The following ZMYND8 variants were observed in gnomAD, a reference collection of about 807,000 sequenced individuals.
The protein encoded by ZMYND8 is zinc finger MYND-type containing 8, also known as MYND-type zinc finger-containing chromatin reader ZMYND8.
Under a neutral mutation model 140.8 loss-of-function variants are expected in ZMYND8, and 37 were observed. The ratio of observed to expected loss-of-function variants is 0.26; its 90% CI spans 0.20 to 0.35. ZMYND8 has a LOEUF of 0.35. Ranked by LOEUF, ZMYND8 falls within the 10% of genes least tolerant of loss-of-function variation. The pLI is 1.00. For missense variants in ZMYND8, 1,068 were observed against 1,570.0 expected (o/e 0.68, Z 5.40); for synonymous variants, 592 against 597.1 (o/e 0.99, Z 0.12).
intron 2 of ZMYND8, among the ~76,000 whole-genome samples, chr20:47,317,794 A>T (rs1272421832): frequency 1.3e-5 from 2 of 152,122 alleles, no homozygotes; most frequent in Admixed American, 1.3e-4. Context: ...TGGCGTCAAA[A>T]TGCATGCAGA....
Position 47,310,168 on chromosome 20 carries a change from T to C in ZMYND8, c.122A>G (p.Lys41Arg). ...GGAAGAATGTGGAGGGCTGGGGAAC[T>C]TTCTTTTCTGGGCTGTTCTCTCTGC... is the stretch of plus-strand genomic sequence containing the variant. ...GSAERTAQKRKFPSPPHSSNG... is the reference protein window; with the variant it reads ...GSAERTAQKRRFPSPPHSSNG... Residue 41 changes from lysine (K) to arginine (R), a missense_variant, in exon 3 of 23, where the codon AAG (lysine) becomes AGG (arginine). Transcript: ENST00000471951. 4 of 1,612,412 alleles carry C rather than the reference T, an allele frequency of 2.5e-6. No homozygotes were observed. In the East Asian group the frequency reaches 6.7e-5, roughly 27 times the overall value.
Position 47,239,105 on chromosome 20 carries a change from C to T in ZMYND8, c.2318G>A (p.Gly773Asp). 2 of 1,514,392 alleles carry T rather than the reference C, an allele frequency of 1.3e-6. No homozygotes were observed. The highest frequency in any genetic ancestry group is 1.8e-6 in the Non-Finnish European group (2 of 1,135,304). 93.8% of individuals were successfully genotyped at this position (1,514,392 alleles called of 1,614,324 possible). A position where few individuals can be genotyped will look rare whatever the true frequency, so the allele number is the denominator to read the frequency against. The stretch of plus-strand genomic sequence containing the variant: ...CGGTGTTTCCGGGGGAGAATGGCTG[C>T]CCACCGTCGTGGATGGTGGAGTTTT... ...VGKTPPSTTVGSHSPPETPVL... is the reference protein window; with the variant it reads ...VGKTPPSTTVDSHSPPETPVL... The change falls in exon 15 of 23, where the codon GGC (glycine) becomes GAC (aspartate). Residue 773 changes from glycine (G) to aspartate (D), a missense_variant. Around this residue, in one of 10 missense-constraint regions of ZMYND8, gnomAD observed 383 missense variants for 431.2 expected, o/e 0.89. Transcript: ENST00000471951.
intron 21 of ZMYND8, among the ~76,000 whole-genome samples, chr20:47,219,399 C>A (rs2036609826): frequency 6.6e-6 from 1 of 151,280 alleles, no homozygotes; most frequent in Admixed American, 6.6e-5. Flanking sequence ...GGTGGTGCGT[C>A]CCTGTAGTCC....
intron 1 of ZMYND8, chr20:47,356,454 T>G (rs759219855): frequency 1.3e-6 from 2 of 1,551,876 alleles, no homozygotes; most frequent in African/African-American, 2.7e-5. Flanking sequence ...CCTTGCCAGT[T>G]TGCAAAATCA....
At chr20:47,224,682 C>T (rs552763387) in intron 18 of ZMYND8, 126 bp from the exon 19 acceptor site, 3 of 1,504,452 alleles carry the variant, frequency 2.0e-6, no homozygotes, top group South Asian at 2.5e-5. Context: ...TGGCTGTGTG[C>T]CCATGGGCAA....
At chr20:47,311,012 T>A (rs1304410247) in intron 2 of ZMYND8, among the ~76,000 whole-genome samples, 1 of 152,140 alleles carries the variant, frequency 6.6e-6, no homozygotes, top group African/African-American at 2.4e-5. Flanking sequence ...CCATGCCTGA[T>A]TGCAAAAGCA....
At chr20:47,247,001 AG>A (rs1408682243) in intron 13 of ZMYND8, among the ~76,000 whole-genome samples, 1 of 152,140 alleles carries the variant, frequency 6.6e-6, no homozygotes, top group African/African-American at 2.4e-5. Flanking sequence ...GGGTTTCCAA[AG>A]GGTTAAAGTT....
chr20:47,280,023 C>T (rs1361290794), intron 10 of ZMYND8, among the ~76,000 whole-genome samples: 1 of 150,870 alleles, frequency 6.6e-6, no homozygotes, highest in East Asian at 2.0e-4. Context: ...ACTTGGGAGG[C>T]TGAGGCAGGA....
At chr20:47,307,941 A>C (rs2078623592) in intron 3 of ZMYND8, among the ~76,000 whole-genome samples, 1 of 151,776 alleles carries the variant, frequency 6.6e-6, no homozygotes, top group South Asian at 2.1e-4. Context: ...AAAATGGAGA[A>C]ATCCCATCTC....
intron 2 of ZMYND8, among the ~76,000 whole-genome samples, chr20:47,342,846 CAAAA>C (rs1041501318): frequency 1.3e-5 from 1 of 74,996 alleles, no homozygotes; most frequent in Non-Finnish European, 2.9e-5. Flanking sequence ...GACTACATCT[CAAAA>C]AAAAAAAAAA....
intron 3 of ZMYND8, among the ~76,000 whole-genome samples, chr20:47,299,508 A>T (rs2077856102): frequency 6.6e-6 from 1 of 152,238 alleles, no homozygotes; most frequent in African/African-American, 2.4e-5. Context: ...GATTCTTCAA[A>T]TGGCAGACAT....
rs3084704 is a variant in ZMYND8, at chr20:47,265,429, AGTTT to A, written c.1481-3005_1481-3002del. 1.7e-3 allele frequency among the ~76,000 whole-genome samples: 255 copies of A among 151,226 alleles called. 3 individuals carry two copies. The highest frequency in any genetic ancestry group is 1.5e-3 in the South Asian group (7 of 4,792). The stretch of plus-strand genomic sequence containing the variant: ...ATCCATTTTCCTGCTCGACAGGTCA[AGTTT>A]GTTTGTTTGTTTGTTTGTTTGTTTT... On this transcript the variant is annotated intron_variant, in intron 11 of 22. Coordinates refer to ENST00000471951, the MANE Select transcript of ZMYND8 (RefSeq NM_001281775.3).
At chr20:47,347,796 A>G in intron 2 of ZMYND8, 60 bp downstream of exon 2, 1 of 1,576,862 alleles carries the variant, frequency 6.3e-7, no homozygotes, top group South Asian at 1.1e-5. Context: ...CTACAACAAC[A>G]AAAAGAAATT....
chr20:47,321,985 C>G (rs1217054221), intron 2 of ZMYND8, among the ~76,000 whole-genome samples: 1 of 151,730 alleles, frequency 6.6e-6, no homozygotes, highest in Non-Finnish European at 1.5e-5. Flanking sequence ...CTCAGCCTCC[C>G]AAGTAGCTAG....
At chr20:47,233,522 G>A (rs2038826228) in intron 16 of ZMYND8, among the ~76,000 whole-genome samples, 3 of 152,122 alleles carry the variant, frequency 2.0e-5, no homozygotes, top group Non-Finnish European at 4.4e-5. Flanking sequence ...ATCCTAAGAG[G>A]AGTTGCTTAT....
intron 13 of ZMYND8, 144 bp downstream of exon 13, chr20:47,249,143 A>C (rs1170867064): frequency 1.0e-6 from 1 of 993,712 alleles, no homozygotes; most frequent in Non-Finnish European, 1.4e-6. Flanking sequence ...GAGTGGAAAT[A>C]TATTTTAGCT....
intron 5 of ZMYND8, among the ~76,000 whole-genome samples, chr20:47,293,525 T>C (rs1414280906): frequency 1.3e-5 from 2 of 152,174 alleles, no homozygotes; most frequent in East Asian, 3.9e-4. Context: ...CTGAAGGAAC[T>C]AACCAAATTC....
At chr20:47,211,322 G>C (rs1402327990) in intron 22 of ZMYND8, among the ~76,000 whole-genome samples, 6 of 152,150 alleles carry the variant, frequency 3.9e-5, no homozygotes, top group Admixed American at 3.3e-4. Context: ...CCGTTAGTGG[G>C]ATTTCTTTTA....
chr20:47,243,438 A>G (rs1184733078), intron 14 of ZMYND8, among the ~76,000 whole-genome samples: 1 of 152,226 alleles, frequency 6.6e-6, no homozygotes, highest in Non-Finnish European at 1.5e-5. Flanking sequence ...CTTCCTGGAG[A>G]AATTCCCTTC....
Sources: allele counts gnomAD v4.1 joint callset (sites outside exome capture counted in the v4.1 genomes callset), GRCh38; gene constraint gnomAD v4.1.1; regional missense constraint gnomAD v4.1.1; transcripts MANE v1.5; gene names NCBI Gene and HGNC (gene_info 2026-07-23, HGNC 2026-07-21).